Variants in ITGA7 observed in about 807,000 individuals in gnomAD.
ITGA7 encodes the protein integrin alpha-7.
In ITGA7, 84 loss-of-function variants were observed where a neutral mutation model predicts 131.6. The ratio of observed to expected loss-of-function variants is 0.64; its 90% CI spans 0.54 to 0.77. The LOEUF (loss-of-function observed/expected upper bound fraction) is 0.77. Ranked by LOEUF, ITGA7 falls within the 30% of genes least tolerant of loss-of-function variation. ITGA7 has a pLI of 0.00. For synonymous variants in ITGA7, 548 were observed against 600.7 expected, an observed-to-expected ratio of 0.91 and a Z score of 1.28; for missense variants, 1,399 against 1,482.9, an observed-to-expected ratio of 0.94 and a Z score of 0.93.
At chr12:55,696,555 G>C in intron 12 of ITGA7, 123 bp from the exon 13 acceptor site, 13 of 1,118,886 alleles carry the variant, frequency 1.2e-5, no homozygotes, top group Non-Finnish European at 1.6e-5. Flanking sequence ...ATGAATGAGA[G>C]AGGTGGAGAA....
upstream of ITGA7, among the ~76,000 whole-genome samples, chr12:55,713,511 A>C (rs956737404): frequency 7.2e-5 from 11 of 152,208 alleles, no homozygotes; most frequent in East Asian, 2.1e-3. Flanking sequence ...AATGAACTCT[A>C]TTACTTAACT....
rs758198664 is a variant in ITGA7 at position 55,698,541 on chromosome 12, A to T, written c.1034T>A (p.Phe345Tyr). Reference sequence around the variant, plus strand: ...ACCCCCCAGCTCTTCTTGGCGCTCAAAGAAGTAGGGGGCACCCACTATCAG... The same window carrying T: ...ACCCCCCAGCTCTTCTTGGCGCTCATAGAAGTAGGGGGCACCCACTATCAG... ...PDLIVGAPYF[F>Y]ERQEELGGAV... The change falls in exon 7 of 25, where the codon TTT (phenylalanine) becomes TAT (tyrosine). Residue 345 changes from phenylalanine to tyrosine, a missense_variant. Physicochemically the swap from Phe to Tyr is conservative, Grantham distance 22. Coordinates refer to ENST00000257879, the MANE Select transcript of ITGA7 (RefSeq NM_002206.3). 1 of 1,613,896 alleles carries T rather than the reference A, an allele frequency of 6.2e-7. No homozygotes were observed. The highest frequency in any genetic ancestry group is 8.5e-7 in the Non-Finnish European group (1 of 1,179,936).
upstream of ITGA7, among the ~76,000 whole-genome samples, chr12:55,710,767 C>CA (rs1876028502): frequency 6.6e-6 from 1 of 151,738 alleles, no homozygotes; most frequent in Non-Finnish European, 1.5e-5. Flanking sequence ...TGTCTCCAAA[C>CA]AAAAAATGCT....
At position 55,696,957 on chromosome 12, in the gene ITGA7, G is replaced by C; in HGVS notation, c.1679C>G (p.Thr560Ser). ...LEEPKHQASG[T>S]VWLKHQHDRV... is the part of the protein sequence containing the mutation. ...GTCATGCTGGTGCTTCAGCCACACG[G>C]TGCCCGAGGCCTGGTGCTTGGGTTC... The change falls in exon 12 of 25, where the codon ACC (threonine) becomes AGC (serine). Residue 560 changes from threonine to serine, a missense_variant. Coordinates refer to ENST00000257879, the MANE Select transcript of ITGA7 (RefSeq NM_002206.3). The C allele has an allele frequency of 2.5e-6, 4 of 1,614,194 alleles. No homozygotes were observed. Among genetic ancestry groups the C allele is most frequent in the African/African-American group, 1.3e-5 (1 of 75,068 alleles).
At chr12:55,697,863 G>T (rs761285386) in intron 8 of ITGA7, 41 bp from the exon 9 acceptor site, 1 of 1,613,878 alleles carries the variant, frequency 6.2e-7, no homozygotes, top group African/African-American at 1.3e-5. Flanking sequence ...CCCACCTCCC[G>T]CAGGCCTCTG....
At chr12:55,700,571 G>A (rs1873764301) in intron 4 of ITGA7, 2 of 710,860 alleles carry the variant, frequency 2.8e-6, no homozygotes, top group East Asian at 2.7e-5. Flanking sequence ...CTCACCGAGT[G>A]TCAGCTCAGC....
Position 55,694,751 on chromosome 12 carries a change from C to T in ITGA7, c.2196+27G>A, listed in dbSNP as rs567728208. 3 of 1,613,958 alleles carry T rather than the reference C, an allele frequency of 1.9e-6. No homozygotes were observed. Among genetic ancestry groups the T allele is most frequent in the South Asian group, 2.2e-5 (2 of 91,072 alleles). On this transcript the variant is annotated intron_variant, in intron 15 of 24. Coordinates refer to ENST00000257879, the MANE Select transcript of ITGA7 (RefSeq NM_002206.3). The surrounding 1 kb of genome is among the most constrained non-coding windows in gnomAD (Gnocchi z 5.3). The stretch of plus-strand genomic sequence containing the variant: ...GGGTTACTGGAGCCCCTCAAGACCC[C>T]ACCCCATCCTGCCCCCAGGTCCTCA...
Position 55,696,905 on chromosome 12 carries a change from C to A in ITGA7, c.1731G>T (p.Gln577His). The change falls in exon 12 of 25, where the codon CAG becomes CAT. Residue 577 changes from glutamine (Q) to histidine (H), a missense_variant. Coordinates refer to ENST00000257879, the MANE Select transcript of ITGA7 (RefSeq NM_002206.3). Reference sequence around the variant, plus strand: ...CCAAGGGGTCAGTGTCCACCTGGAGCTGGAACATGGCGTCTCCACAGACTC... The same window carrying A: ...CCAAGGGGTCAGTGTCCACCTGGAGATGGAACATGGCGTCTCCACAGACTC... ...HDRVCGDAMF[Q>H]LQENVKDKLR... The A allele has an allele frequency of 1.2e-6, 2 of 1,614,120 alleles. No homozygotes were observed. Among genetic ancestry groups the A allele is most frequent in the East Asian group, 4.5e-5 (2 of 44,890 alleles).
Position 55,685,117 on chromosome 12 carries a change from C to T in ITGA7, c.3355G>A (p.Ala1119Thr), listed in dbSNP as rs1287574379. ...REGPDAHPIL[A>T]ADGHPELGPD... is the part of the protein sequence containing the mutation. ...CCCAGCTCGGGATGCCCGTCAGCAG[C>T]CAGGATGGGGTGTGCATCCGGGCCC... Residue 1119 changes from alanine (A) to threonine (T), a missense_variant, in exon 25 of 25, where the codon GCT (alanine) becomes ACT (threonine). Physicochemically the swap from Ala to Thr is moderately conservative, Grantham distance 58 (BLOSUM62 0). Transcript: ENST00000257879. 1.2e-6 allele frequency: 2 copies of T among 1,611,870 alleles called. No homozygotes were observed. The highest frequency in any genetic ancestry group is 1.1e-5 in the South Asian group (1 of 91,060).
upstream of ITGA7, chr12:55,708,048 C>T (rs962657018): frequency 2.6e-6 from 3 of 1,136,396 alleles, no homozygotes; most frequent in South Asian, 2.1e-5. Flanking sequence ...GCCTTGCTGA[C>T]CCCCCACCAC....
At chr12:55,707,341 T>C (rs535372500) in intron 1 of ITGA7, 136 bp downstream of exon 1, 3 of 707,914 alleles carry the variant, frequency 4.2e-6, no homozygotes, top group East Asian at 2.6e-5. Flanking sequence ...AGGCTCCAGG[T>C]TGGGATGTGG....
chr12:55,697,633 G>C, intron 9 of ITGA7, 62 bp downstream of exon 9: 7 of 1,613,154 alleles, frequency 4.3e-6, no homozygotes, highest in Non-Finnish European at 5.9e-6. Context: ...ACTGAGGTCG[G>C]GGTCAGAGTC....
chr12:55,702,272 C>A (rs565939922), intron 3 of ITGA7, among the ~76,000 whole-genome samples: 21 of 152,150 alleles, frequency 1.4e-4, no homozygotes, highest in Non-Finnish European at 2.2e-4. Context: ...CTCCGCCTCT[C>A]CGGTTCACGC....
chr12:55,688,592 A>G (rs976849292), intron 22 of ITGA7, among the ~76,000 whole-genome samples: 1 of 152,052 alleles, frequency 6.6e-6, no homozygotes, highest in African/African-American at 2.4e-5. Context: ...GTGTGGTGGC[A>G]CGTGCCTGTA....
intron 3 of ITGA7, chr12:55,701,513 C>G: frequency 8.2e-7 from 1 of 1,213,436 alleles, no homozygotes; most frequent in Non-Finnish European, 1.2e-6. Context: ...TGGCCCTGTC[C>G]CTGGACCTTT....
rs527380154 is a variant in ITGA7, at chr12:55,692,256, A to G, written c.2844+588T>C. ...ACATGGTGAAACCCCGTCTCTACTA[A>G]AAATACAAAAATCAGCCGGGTGTGG... On this transcript the variant is annotated intron_variant, in intron 21 of 24. Coordinates refer to ENST00000257879, the MANE Select transcript of ITGA7 (RefSeq NM_002206.3). 3.5e-3 allele frequency among the ~76,000 whole-genome samples: 526 copies of G among 152,276 alleles called. 6 individuals carry two copies. Among genetic ancestry groups the G allele is most frequent in the Non-Finnish European group, 6.1e-3 (413 of 68,018 alleles).
At chr12:55,715,982 C>G (rs1347099638), upstream of ITGA7, 1 of 1,469,310 alleles carries the variant, frequency 6.8e-7, no homozygotes, top group Non-Finnish European at 9.0e-7. Flanking sequence ...CCTCTCTTCC[C>G]CGCCAAGATC....
At chr12:55,687,939 C>T (rs765686662) in intron 24 of ITGA7, 32 bp downstream of exon 24, 2 of 1,613,708 alleles carry the variant, frequency 1.2e-6, no homozygotes, top group Non-Finnish European at 1.7e-6. Flanking sequence ...ACCAGGAAGT[C>T]CACCCCCATC....
intron 22 of ITGA7, among the ~76,000 whole-genome samples, chr12:55,688,629 A>G (rs933114928): frequency 6.6e-6 from 1 of 151,478 alleles, no homozygotes; most frequent in African/African-American, 2.4e-5. Flanking sequence ...AGGCTGAGGC[A>G]GGAGAACCTC....
Sources: allele counts gnomAD v4.1 joint callset (sites outside exome capture counted in the v4.1 genomes callset), GRCh38; gene constraint gnomAD v4.1.1; non-coding constraint Gnocchi (gnomAD v3.1); transcripts MANE v1.5; gene names NCBI Gene and HGNC (gene_info 2026-07-23, HGNC 2026-07-21).